IFT81: variants seen among roughly 807,000 people sequenced by gnomAD.
The protein encoded by IFT81 is intraflagellar transport protein 81 homolog.
In IFT81, 72 loss-of-function variants were observed where a neutral mutation model predicts 102.6. The observed-to-expected ratio is 0.70, with a 90% CI of 0.58 to 0.85. IFT81 has a LOEUF of 0.85. Among genes scored for constraint, IFT81 ranks in the 40% least tolerant of loss-of-function variants. The pLI is 0.00. For missense variants in IFT81, 723 were observed against 787.3 expected (o/e 0.92, Z 0.98); for synonymous variants, 237 against 242.7 (o/e 0.98, Z 0.22).
intron 11 of IFT81, among the ~76,000 whole-genome samples, chr12:110,163,769 C>G (rs1281842310): frequency 1.3e-5 from 2 of 151,788 alleles, no homozygotes; most frequent in South Asian, 4.2e-4. Context: ...GTGGACGTCA[C>G]CAGGCCTGGC....
In IFT81 at chr12:110,204,012, C is replaced by T. The variant is rs1898441758; in HGVS notation, c.1644+62C>T. 12 of 1,013,470 alleles carry T rather than the reference C, an allele frequency of 1.2e-5. 1 individual carries two copies. In the Admixed American group the frequency reaches 1.2e-4, roughly 10 times the overall value. The allele number at this position is 1,013,470 out of a possible 1,614,324, so 62.8% of individuals were successfully genotyped here. A position where few individuals can be genotyped will look rare whatever the true frequency, so the allele number is the denominator to read the frequency against. On this transcript the variant is annotated intron_variant, in intron 15 of 18. Coordinates refer to ENST00000242591, the MANE Select transcript of IFT81 (RefSeq NM_014055.4). ...AACTACCTGTGTGTACACCTGTAGT[C>T]CCAGCTACTCTGGAGGCTGAAGCAG...
intron 18 of IFT81, among the ~76,000 whole-genome samples, chr12:110,216,310 C>T (rs1207430200): frequency 1.3e-5 from 2 of 151,392 alleles, no homozygotes; most frequent in African/African-American, 2.4e-5. Context: ...CCACCTCAGC[C>T]TCCCAACTAG....
intron 1 of IFT81, among the ~76,000 whole-genome samples, chr12:110,126,082 T>A (rs907033566): frequency 1.3e-5 from 2 of 152,062 alleles, no homozygotes; most frequent in Non-Finnish European, 2.9e-5. Flanking sequence ...ATCCAGACCA[T>A]CCTGGCTAAC....
chr12:110,138,203 A>G (rs557714811), intron 8 of IFT81, among the ~76,000 whole-genome samples: 50 of 152,338 alleles, frequency 3.3e-4, no homozygotes, highest in African/African-American at 1.1e-3. Context: ...CTTCGTTGAC[A>G]TCTTTCTGGG....
At chr12:110,128,171 G>T in intron 3 of IFT81, 22 bp downstream of exon 3, 1 of 1,465,556 alleles carries the variant, frequency 6.8e-7, no homozygotes, top group Non-Finnish European at 9.6e-7. Flanking sequence ...ATCACGTATT[G>T]AGTTTTTAAA....
rs774659328 is a variant in IFT81, at chr12:110,191,095, G to T, written c.1467+47G>T. ...TTTTCTTTTATTGTGTAGCTAGAAG[G>T]CAGGTGTTTTGTGTTAGTTTTATTT... On this transcript the variant is annotated intron_variant, in intron 13 of 18. Transcript: ENST00000242591. The T allele has an allele frequency of 3.9e-6, 6 of 1,532,606 alleles. No individual in the cohort carries two copies. The Admixed American group carries it at 9.7e-5, about 25-fold the overall frequency. 94.9% of individuals were successfully genotyped at this position (1,532,606 alleles called of 1,614,324 possible). A position where few individuals can be genotyped will look rare whatever the true frequency, so the allele number is the denominator to read the frequency against.
At chr12:110,126,271 C>A (rs1893835195) in intron 1 of IFT81, among the ~76,000 whole-genome samples, 1 of 131,276 alleles carries the variant, frequency 7.6e-6, no homozygotes, top group Non-Finnish European at 1.6e-5. Flanking sequence ...GAGCGAGACT[C>A]CGTCTCAAAA....
intron 5 of IFT81, among the ~76,000 whole-genome samples, chr12:110,134,335 C>T (rs17789061): frequency 0.43 from 65,791 of 151,934 alleles, 15,580 homozygotes; most frequent in African/African-American, 0.61. Flanking sequence ...ACTATTACTG[C>T]GATATTTAAG....
chr12:110,170,015 C>A (rs941666895), intron 11 of IFT81, among the ~76,000 whole-genome samples: 1 of 151,410 alleles, frequency 6.6e-6, no homozygotes. Context: ...TGCAGTGGTG[C>A]GATCTTGGCT....
intron 1 of IFT81, among the ~76,000 whole-genome samples, chr12:110,125,877 A>C (rs1893804795): frequency 6.6e-6 from 1 of 152,198 alleles, no homozygotes; most frequent in Non-Finnish European, 1.5e-5. Context: ...CATTCAATCT[A>C]GTGGAAGGAA....
chr12:110,198,959 G>A (rs893897380), intron 14 of IFT81, among the ~76,000 whole-genome samples: 3 of 151,520 alleles, frequency 2.0e-5, no homozygotes, highest in East Asian at 1.9e-4. Flanking sequence ...ACAGGCATGC[G>A]CACCACGCCT....
intron 10 of IFT81, among the ~76,000 whole-genome samples, chr12:110,160,222 C>G (rs1049405298): frequency 3.3e-5 from 5 of 152,150 alleles, no homozygotes; most frequent in African/African-American, 1.2e-4. Flanking sequence ...AATTGGCTCA[C>G]ACAGTTACAA....
chr12:110,165,078 C>A (rs1896361072), intron 11 of IFT81, among the ~76,000 whole-genome samples: 1 of 149,414 alleles, frequency 6.7e-6, no homozygotes, highest in African/African-American at 2.5e-5. Flanking sequence ...GAGACGGATC[C>A]AATGACAGGG....
At chr12:110,162,856 T>C in intron 10 of IFT81, 63 bp from the exon 11 acceptor site, 1 of 1,389,434 alleles carries the variant, frequency 7.2e-7, no homozygotes. Context: ...ATAGATAATT[T>C]CACAAGATAA....
At chr12:110,149,067 T>G (rs1895380661) in intron 10 of IFT81, among the ~76,000 whole-genome samples, 1 of 152,224 alleles carries the variant, frequency 6.6e-6, no homozygotes, top group South Asian at 2.1e-4. Context: ...GGGAGGCTTT[T>G]CAAGTTAACT....
rs150065210 is a variant in IFT81, at chr12:110,191,467, G to A, written c.1467+419G>A. ...ATTACAGGCGTGAGCCACTACACCC[G>A]GTCTCATCTGTCTTTATCAATCTCT... On this transcript the variant is annotated intron_variant, in intron 13 of 18. Transcript: ENST00000242591. Among the ~76,000 whole-genome samples the A allele has an allele frequency of 1.2e-3, 180 of 151,984 alleles. 1 individual carries two copies. Among genetic ancestry groups the A allele is most frequent in the African/African-American group, 4.3e-3 (178 of 41,470 alleles).
intron 5 of IFT81, among the ~76,000 whole-genome samples, chr12:110,134,335 C>A (rs17789061): frequency 6.6e-6 from 1 of 151,882 alleles, no homozygotes; most frequent in South Asian, 2.1e-4. Context: ...ACTATTACTG[C>A]GATATTTAAG....
intron 18 of IFT81, 84 bp downstream of exon 18, chr12:110,209,300 T>C: frequency 1.7e-6 from 1 of 579,734 alleles, no homozygotes; most frequent in Non-Finnish European, 3.0e-6. Flanking sequence ...TGTCATTGTT[T>C]TCAAAAGGTC....
At chr12:110,135,294 C>T in intron 6 of IFT81, 33 bp from the exon 7 acceptor site, 1 of 1,382,458 alleles carries the variant, frequency 7.2e-7, no homozygotes, top group Middle Eastern at 1.8e-4. Context: ...TCAAACCTGA[C>T]AGTAACATGT....
Sources: gnomAD v4.1 joint callset for allele counts (sites outside exome capture counted in the v4.1 genomes callset) on GRCh38, gnomAD v4.1.1 for gene constraint, MANE v1.5 for transcripts, NCBI Gene and HGNC (gene_info 2026-07-23, HGNC 2026-07-21) for gene names.